DMGDH: variants seen among roughly 807,000 people sequenced by gnomAD.
The protein encoded by DMGDH is dimethylglycine dehydrogenase.
A neutral mutation model predicts 95.2 loss-of-function variants in DMGDH; 76 were observed. That is an observed-to-expected ratio of 0.80 (90% CI 0.66 to 0.97). The LOEUF (loss-of-function observed/expected upper bound fraction) is 0.97. DMGDH is among the 50% of genes least tolerant of loss of function. The probability of loss-of-function intolerance (pLI) is 0.00; values close to 1 mark genes in which losing one functional copy is unlikely to be tolerated. For synonymous variants in DMGDH, 345 were observed against 377.6 expected (o/e 0.91, Z 1.00); for missense variants, 987 against 1,055.0 (o/e 0.94, Z 0.89).
intron 2 of DMGDH, among the ~76,000 whole-genome samples, chr5:79,060,088 TACACA>T (rs1488702763): frequency 6.6e-6 from 1 of 152,242 alleles, no homozygotes; most frequent in African/African-American, 2.4e-5. Context: ...CTTGAAATCA[TACACA>T]ACACATCATC....
intron 14 of DMGDH, among the ~76,000 whole-genome samples, chr5:79,023,093 C>T (rs1258854399): frequency 6.6e-6 from 1 of 152,078 alleles, no homozygotes; most frequent in Non-Finnish European, 1.5e-5. Context: ...CCTAAAATCT[C>T]ATACTATAAA....
chr5:79,047,633 G>A lies in DMGDH; in HGVS notation c.746-3081C>T, dbSNP rs140426247. 3.2e-4 allele frequency among the ~76,000 whole-genome samples: 48 copies of A among 152,290 alleles called. No individual in the cohort carries two copies. The East Asian group carries it at 8.7e-3, about 28-fold the overall frequency. ...TGAGCTGTACCTGAGGGAAAGGGTA[G>A]AGTGAAGCCAATTTGGAAAGCTTTG... On this transcript the variant is annotated intron_variant, in intron 5 of 15. Transcript: ENST00000255189.
intron 14 of DMGDH, among the ~76,000 whole-genome samples, chr5:79,019,896 TTAGA>T (rs2112610430): frequency 6.6e-6 from 1 of 152,114 alleles, no homozygotes; most frequent in East Asian, 1.9e-4. Flanking sequence ...ATAAAAATAG[TTAGA>T]TAGACAGATA....
intron 2 of DMGDH, among the ~76,000 whole-genome samples, chr5:79,062,001 A>T (rs746040413): frequency 8.5e-5 from 13 of 152,202 alleles, no homozygotes; most frequent in Non-Finnish European, 1.6e-4. Context: ...CAAACATTAA[A>T]GCGTATGCCC....
intron 5 of DMGDH, among the ~76,000 whole-genome samples, chr5:79,050,858 C>T (rs771069743): frequency 6.6e-6 from 1 of 152,090 alleles, no homozygotes; most frequent in Non-Finnish European, 1.5e-5. Context: ...ACTTTTTCAA[C>T]TAGAGTCAAA....
At chr5:79,040,080 G>C (rs898733411) in intron 7 of DMGDH, among the ~76,000 whole-genome samples, 1 of 152,228 alleles carries the variant, frequency 6.6e-6, no homozygotes, top group East Asian at 1.9e-4. Flanking sequence ...AATCTGAGGA[G>C]AGGGTTGTGG....
At chr5:79,028,331 C>G in intron 12 of DMGDH, 102 bp downstream of exon 12, 1 of 1,047,076 alleles carries the variant, frequency 9.6e-7, no homozygotes, top group Non-Finnish European at 1.4e-6. Flanking sequence ...TGCATACACA[C>G]TCACACATTT....
chr5:79,049,411 A>C (rs1030992186), intron 5 of DMGDH, among the ~76,000 whole-genome samples: 1 of 152,246 alleles, frequency 6.6e-6, no homozygotes, highest in African/African-American at 2.4e-5. Flanking sequence ...GATTGCCTAA[A>C]GTACTGTGTT....
At chr5:79,064,232 A>C (rs1755302869) in intron 1 of DMGDH, among the ~76,000 whole-genome samples, 2 of 152,260 alleles carry the variant, frequency 1.3e-5, no homozygotes, top group African/African-American at 4.8e-5. Context: ...ACATGCCTAT[A>C]GTCCCAGCTA....
intron 13 of DMGDH, among the ~76,000 whole-genome samples, chr5:79,025,490 C>T (rs554540977): frequency 2.6e-5 from 4 of 152,280 alleles, no homozygotes; most frequent in Admixed American, 2.0e-4. Context: ...AACACACTCT[C>T]CCCTTCAATC....
Position 79,020,725 on chromosome 5 carries a change from GGA to G in DMGDH, c.2250+3544_2250+3545del, listed in dbSNP as rs1225121351. On this transcript the variant is annotated intron_variant, in intron 14 of 15. Coordinates refer to ENST00000255189, the MANE Select transcript of DMGDH (RefSeq NM_013391.3). ...TCTACTAGTTAGAAGCTCTACACGG[GGA>G]GAGAGGGGAAGGAGAGAGAAAAAGG... The G allele has an allele frequency of 1.8e-5, 18 of 983,838 alleles. No individual in the cohort carries two copies. The African/African-American group carries it at 3.0e-4, about 16-fold the overall frequency. 60.9% of individuals were successfully genotyped at this position (983,838 alleles called of 1,614,324 possible).
intron 14 of DMGDH, among the ~76,000 whole-genome samples, chr5:79,018,378 T>A (rs749996399): frequency 1.3e-5 from 2 of 152,194 alleles, no homozygotes; most frequent in Non-Finnish European, 2.9e-5. Flanking sequence ...ACTCTCAAGT[T>A]ATGCCGAGGG....
At position 79,054,304 on chromosome 5, in the gene DMGDH, G is replaced by A; in HGVS notation, c.420C>T (p.Thr140=). 6.2e-7 allele frequency: 1 copy of A among 1,614,072 alleles called. No homozygotes were observed. The highest frequency in any genetic ancestry group is 1.1e-5 in the South Asian group (1 of 91,080). Residue 140 remains threonine, a synonymous_variant, in exon 4 of 16, where the codon ACC becomes ACT. Transcript: ENST00000255189. ...HQPGSIRLAT[T]PVRVDEFKYQ... The stretch of plus-strand genomic sequence containing the variant: ...ATTTAAATTCATCTACCCTTACAGG[G>A]GTGGTAGCAAGTCTGATACTACCTG...
At chr5:79,000,946 G>A in intron 15 of DMGDH, 1 of 676,472 alleles carries the variant, frequency 1.5e-6, no homozygotes, top group Non-Finnish European at 2.7e-6. Flanking sequence ...TCCTCATTTG[G>A]CAGCATCACT....
intron 10 of DMGDH, chr5:79,030,571 G>C: frequency 2.8e-6 from 1 of 352,130 alleles, no homozygotes; most frequent in Non-Finnish European, 5.3e-6. Flanking sequence ...GCTTGAACCT[G>C]GGAGGCGAAG....
At chr5:79,057,611 T>A (rs570128927) in intron 2 of DMGDH, among the ~76,000 whole-genome samples, 1 of 152,198 alleles carries the variant, frequency 6.6e-6, no homozygotes, top group Non-Finnish European at 1.5e-5. Flanking sequence ...TCCATTACAA[T>A]GCACCTGTAA....
At chr5:79,021,828 G>A in intron 14 of DMGDH, 1 of 818,188 alleles carries the variant, frequency 1.2e-6, no homozygotes, top group Non-Finnish European at 1.7e-6. Flanking sequence ...TGTGGAAAAG[G>A]ACTTTGTGGG....
intron 14 of DMGDH, among the ~76,000 whole-genome samples, chr5:79,015,123 T>G (rs1373602958): frequency 6.6e-6 from 1 of 151,856 alleles, no homozygotes; most frequent in Admixed American, 6.6e-5. Context: ...TACCCCAGAG[T>G]CCTCCAACCC....
chr5:79,030,659 AAAAAAAAGAAAAG>A, intron 10 of DMGDH, 161 bp downstream of exon 10: 2 of 692,304 alleles, frequency 2.9e-6, no homozygotes, highest in Non-Finnish European at 4.6e-6. Context: ...AAAAAAAAAA[AAAAAAAAGAAAAG>A]AAAAAAAGAA....
Sources: gnomAD v4.1 joint callset for allele counts (sites outside exome capture counted in the v4.1 genomes callset) on GRCh38, gnomAD v4.1.1 for gene constraint, MANE v1.5 for transcripts, NCBI Gene and HGNC (gene_info 2026-07-23, HGNC 2026-07-21) for gene names.